The following MTRR variants were observed in gnomAD, a reference collection of about 807,000 sequenced individuals.
MTRR encodes the protein methionine synthase reductase.
Under a neutral mutation model 79.2 loss-of-function variants are expected in MTRR, and 63 were observed. That is an observed-to-expected ratio of 0.80 (90% CI 0.65 to 0.98). MTRR has a LOEUF of 0.98. MTRR is among the 50% of genes least tolerant of loss of function. The pLI, the probability that MTRR is intolerant of heterozygous loss-of-function variation, is 0.00. For synonymous variants in MTRR, 355 were observed against 313.3 expected (o/e 1.13, Z -1.41); for missense variants, 895 against 839.6 (o/e 1.07, Z -0.82).
At chr5:7,869,089 G>GCCCAGGT (rs757065692), upstream of MTRR, 17 of 1,604,126 alleles carry the variant, frequency 1.1e-5, no homozygotes, top group African/African-American at 2.1e-4. Flanking sequence ...AATGTGATTG[G>GCCCAGGT]CCCAGGTCCC....
Position 7,889,283 on chromosome 5 carries a change from G to A in MTRR, c.1327+8G>A. 1 of 1,612,382 alleles carries A rather than the reference G, an allele frequency of 6.2e-7. No individual in the cohort carries two copies. Among genetic ancestry groups the A allele is most frequent in the Non-Finnish European group, 8.5e-7 (1 of 1,179,966 alleles). ...CACTCAGTCTCCTGCTCGGTGAGTA[G>A]TCGCTTTCACAAGCACCTTGGTGGC... On this transcript the variant is annotated splice_region_variant and intron_variant, in intron 9 of 14. Coordinates refer to ENST00000440940, the MANE Select transcript of MTRR (RefSeq NM_002454.3).
intron 7 of MTRR, 84 bp from the exon 8 acceptor site, chr5:7,886,530 AG>A: frequency 9.6e-7 from 1 of 1,040,258 alleles, no homozygotes; most frequent in Admixed American, 1.7e-5. Context: ...AAAGTACTAC[AG>A]TAATTGTGTT....
chr5:7,867,586 A>C, upstream of MTRR: 1 of 1,614,270 alleles, frequency 6.2e-7, no homozygotes, highest in East Asian at 2.2e-5. Flanking sequence ...GCTCCTTTTC[A>C]AACTGAAAGC....
At chr5:7,886,429 G>T (rs1736449123) in intron 7 of MTRR, 186 bp from the exon 8 acceptor site, 1 of 579,304 alleles carries the variant, frequency 1.7e-6, no homozygotes, top group Non-Finnish European at 3.1e-6. Context: ...TTATGTTTTT[G>T]TAAGGTGGAG....
At chr5:7,869,619 G>A (rs984858192) in intron 1 of MTRR, 9 of 250,200 alleles carry the variant, frequency 3.6e-5, no homozygotes, top group Admixed American at 2.3e-4. Flanking sequence ...CCGGCGGGAC[G>A]CGGCCGTGAG....
chr5:7,863,768 TACA>T (rs1746720661), intron 2 of MTRR, among the ~76,000 whole-genome samples: 1 of 152,232 alleles, frequency 6.6e-6, no homozygotes, highest in Admixed American at 6.5e-5. Context: ...ATTCCAGGTG[TACA>T]ACATGCTGAC....
In MTRR at chr5:7,892,818, G is replaced by GT; in HGVS notation, c.1463dup (p.Cys489MetfsTer22). 6.2e-7 allele frequency: 1 copy of GT among 1,614,230 alleles called. No homozygotes were observed. Among genetic ancestry groups the GT allele is most frequent in the South Asian group, 1.1e-5 (1 of 91,080 alleles). ...CACAACAGAGGTTCTGCGGAAGGGA[G>GT]TATGTACAGGCTGGCTGGCCTTGTT... On this transcript the variant is annotated frameshift_variant, in exon 11 of 15. Coordinates refer to ENST00000440940, the MANE Select transcript of MTRR (RefSeq NM_002454.3). LOFTEE classifies it high-confidence loss of function.
chr5:7,891,284 A>G (rs1737504975), intron 9 of MTRR, 88 bp from the exon 10 acceptor site: 5 of 751,954 alleles, frequency 6.6e-6, no homozygotes, highest in Non-Finnish European at 8.5e-6. Flanking sequence ...TAAATAAGAC[A>G]TGGAATTTTT....
chr5:7,866,074 C>A, upstream of MTRR: 1 of 925,234 alleles, frequency 1.1e-6, no homozygotes, highest in Non-Finnish European at 1.8e-6. Flanking sequence ...TTTACACACT[C>A]CAGACAGAAG....
intron 1 of MTRR, chr5:7,861,285 A>G: frequency 7.4e-7 from 1 of 1,343,040 alleles, no homozygotes; most frequent in Non-Finnish European, 1.0e-6. Context: ...AAAAGGAGAA[A>G]AATACTTAAT....
rs1284738174 is a variant in MTRR, at chr5:7,889,035, A to G, written c.1147-60A>G. 7 of 1,601,844 alleles carry G rather than the reference A, an allele frequency of 4.4e-6. No homozygotes were observed. In the South Asian group the frequency reaches 4.4e-5, roughly 10 times the overall value. On this transcript the variant is annotated intron_variant, in intron 8 of 14. Coordinates refer to ENST00000440940, the MANE Select transcript of MTRR (RefSeq NM_002454.3). ...CATCCCTAGGCAGACATTTAACTGA[A>G]TATTCTAATAGCTCTACCCACAAAT...
chr5:7,894,130 C>T (rs547284902), intron 11 of MTRR, among the ~76,000 whole-genome samples: 1 of 152,128 alleles, frequency 6.6e-6, no homozygotes, highest in South Asian at 2.1e-4. Context: ...CCTTCCTTCC[C>T]CATTTTAACA....
upstream of MTRR, among the ~76,000 whole-genome samples, chr5:7,864,263 C>T (rs1164538872): frequency 1.3e-5 from 2 of 152,018 alleles, no homozygotes; most frequent in Admixed American, 6.6e-5. Context: ...TTCAAAACAA[C>T]ATGAACATAA....
At chr5:7,870,668 G>T in intron 1 of MTRR, 102 bp from the exon 2 acceptor site, 1 of 1,237,474 alleles carries the variant, frequency 8.1e-7, no homozygotes, top group Non-Finnish European at 1.2e-6. Flanking sequence ...CATATTATGT[G>T]TGGGTATTGT....
chr5:7,866,809 G>A, upstream of MTRR: 1 of 1,614,134 alleles, frequency 6.2e-7, no homozygotes. Context: ...ATAAAGCAGA[G>A]GCATTTGGTG....
In MTRR at chr5:7,885,877, G is replaced by A. The variant is rs764019306; in HGVS notation, c.1057+23G>A. On this transcript the variant is annotated intron_variant, in intron 7 of 14. Transcript: ENST00000440940. ...AAGGTAACAGCCCTGATGCTGTGAC[G>A]TTGGGGTGTTGTGGGCCAGTGGACT... is the stretch of plus-strand genomic sequence containing the variant. The A allele has an allele frequency of 1.7e-5, 28 of 1,613,786 alleles. 1 individual carries two copies. The Admixed American group carries it at 2.0e-4, about 12-fold the overall frequency.
At chr5:7,878,429 ACT>A in intron 5 of MTRR, 107 bp downstream of exon 5, 1 of 1,438,710 alleles carries the variant, frequency 7.0e-7, no homozygotes, top group Non-Finnish European at 9.7e-7. Context: ...ACTATGGCTT[ACT>A]GGCCCAATGT....
At chr5:7,896,526 C>T (rs1738547772) in intron 12 of MTRR, 1 of 352,204 alleles carries the variant, frequency 2.8e-6, no homozygotes, top group East Asian at 6.5e-5. Flanking sequence ...AGCCCTGAGC[C>T]ACTTTTCCAT....
At chr5:7,853,437 A>T (rs945335600) in intron 1 of MTRR, among the ~76,000 whole-genome samples, 3 of 152,224 alleles carry the variant, frequency 2.0e-5, no homozygotes, top group Admixed American at 1.3e-4. Flanking sequence ...TTATAGCAGC[A>T]TGAGAACAAA....
Sources: allele counts gnomAD v4.1 joint callset (sites outside exome capture counted in the v4.1 genomes callset), GRCh38; gene constraint gnomAD v4.1.1; transcripts MANE v1.5; gene names NCBI Gene and HGNC (gene_info 2026-07-23, HGNC 2026-07-21).